The following LRP1B variants were observed in gnomAD, a reference collection of about 807,000 sequenced individuals.
LRP1B encodes LDL receptor related protein 1B.
LRP1B carries 217 observed loss-of-function variants against 556.6 expected under a neutral mutation model. The ratio of observed to expected loss-of-function variants is 0.39; its 90% CI spans 0.35 to 0.44. The LOEUF (loss-of-function observed/expected upper bound fraction) is 0.44. Among genes scored for constraint, LRP1B ranks in the 20% least tolerant of loss-of-function variants. LRP1B has a pLI of 1.00. For missense variants in LRP1B, 5,053 were observed against 5,620.8 expected (o/e 0.90, Z 3.23); for synonymous variants, 2,047 against 1,865.8 (o/e 1.10, Z -2.50).
intron 82 of LRP1B, among the ~76,000 whole-genome samples, chr2:140,315,841 TTGATGTTGGTCCTTA>T (rs1240720794): frequency 2.6e-5 from 4 of 152,278 alleles, no homozygotes; most frequent in South Asian, 2.1e-4. Context: ...GAGAGACTCT[TTGATGTTGGTCCTTA>T]TTAACCATAT....
rs1327909536 is a variant in LRP1B, at chr2:140,323,894, A to T, written c.12513T>A (p.Asp4171Glu). The change falls in exon 81 of 91, where the codon GAT (aspartate) becomes GAA (glutamate). Residue 4171 changes from aspartate to glutamate, a missense_variant and splice_region_variant. This residue lies in a region of LRP1B where 551 missense variants were observed against 592.0 expected (regional missense o/e 0.93). Transcript: ENST00000389484. ...AACTTCATAATATATTATACTTACA[A>T]TCTAGTTGTTTATAACGATGAGATA... ...VLISHRYKQL[D>E]LPNPCLDLAC... 1 of 1,416,444 alleles carries T rather than the reference A, an allele frequency of 7.1e-7. No homozygotes were observed. Among genetic ancestry groups the T allele is most frequent in the Non-Finnish European group, 1.0e-6 (1 of 1,003,958 alleles). The allele number at this position is 1,416,444 out of a possible 1,614,324, so 87.7% of individuals were successfully genotyped here.
chr2:140,838,615 G>A (rs762217249), intron 31 of LRP1B, among the ~76,000 whole-genome samples: 14 of 151,904 alleles, frequency 9.2e-5, no homozygotes, highest in Non-Finnish European at 1.3e-4. Context: ...AGAAAAAATC[G>A]ACAAGCTTCA....
chr2:141,091,093 A>C (rs901381409), intron 7 of LRP1B, among the ~76,000 whole-genome samples: 13 of 152,144 alleles, frequency 8.5e-5, no homozygotes, highest in Non-Finnish European at 1.9e-4. Context: ...TTTCTTCTCA[A>C]ATCAGGAATC....
At chr2:141,142,703 T>A (rs1574119222) in intron 7 of LRP1B, among the ~76,000 whole-genome samples, 1 of 152,134 alleles carries the variant, frequency 6.6e-6, no homozygotes, top group African/African-American at 2.4e-5. Context: ...AATCATAGCA[T>A]TTAGAAGTGA....
At chr2:141,541,876 T>C (rs570693743) in intron 2 of LRP1B, among the ~76,000 whole-genome samples, 1 of 152,214 alleles carries the variant, frequency 6.6e-6, no homozygotes, top group Non-Finnish European at 1.5e-5. Flanking sequence ...TGAGGAAAGC[T>C]AGAAATCTGT....
At chr2:141,014,270 A>T (rs1264560402) in intron 13 of LRP1B, among the ~76,000 whole-genome samples, 1 of 152,088 alleles carries the variant, frequency 6.6e-6, no homozygotes, top group Non-Finnish European at 1.5e-5. Context: ...GGCAGAAAAG[A>T]TGGTAAAGAT....
At chr2:141,793,890 C>T (rs1430680336) in intron 2 of LRP1B, among the ~76,000 whole-genome samples, 1 of 151,506 alleles carries the variant, frequency 6.6e-6, no homozygotes, top group East Asian at 1.9e-4. Context: ...TTACTTATTC[C>T]AATTAAGTCG....
At chr2:141,257,437 A>T (rs1374425968) in intron 3 of LRP1B, among the ~76,000 whole-genome samples, 1 of 152,146 alleles carries the variant, frequency 6.6e-6, no homozygotes, top group African/African-American at 2.4e-5. Flanking sequence ...AGAAAATCCA[A>T]ATACTATGGA....
intron 3 of LRP1B, among the ~76,000 whole-genome samples, chr2:141,393,833 T>G (rs553545653): frequency 7.9e-5 from 12 of 152,258 alleles, no homozygotes; most frequent in African/African-American, 2.4e-4. Flanking sequence ...AATAAAGATG[T>G]GCTTTATACG....
At chr2:141,589,579 A>G (rs1574112009) in intron 2 of LRP1B, among the ~76,000 whole-genome samples, 1 of 152,324 alleles carries the variant, frequency 6.6e-6, no homozygotes, top group East Asian at 1.9e-4. Context: ...GTAACCAAAT[A>G]ACACACTTGT....
At chr2:141,033,970 T>C (rs1698455150) in intron 11 of LRP1B, among the ~76,000 whole-genome samples, 1 of 152,206 alleles carries the variant, frequency 6.6e-6, no homozygotes, top group Non-Finnish European at 1.5e-5. Context: ...ATTCCATTCT[T>C]TGAGTATGCT....
intron 3 of LRP1B, among the ~76,000 whole-genome samples, chr2:141,365,014 CA>C (rs61392867): frequency 0.06 from 9,173 of 152,196 alleles, 378 homozygotes; most frequent in African/African-American, 0.11. Flanking sequence ...CAAACACTTG[CA>C]ATTCACTGAG....
chr2:140,431,819 C>T (rs1685957177), intron 66 of LRP1B, among the ~76,000 whole-genome samples: 1 of 152,148 alleles, frequency 6.6e-6, no homozygotes, highest in African/African-American at 2.4e-5. Context: ...ACAAAATCTT[C>T]CTTCAGCTTA....
In LRP1B at chr2:141,414,236, T is replaced by A. The variant is rs1209152746; in HGVS notation, c.343+66160A>T. Among the ~76,000 whole-genome samples, 21 of 67,420 alleles carry A rather than the reference T, an allele frequency of 3.1e-4. No homozygotes were observed. The Admixed American group carries it at 4.4e-3, about 14-fold the overall frequency. 44.2% of individuals were successfully genotyped at this position (67,420 alleles called of 152,430 possible). A position where few individuals can be genotyped will look rare whatever the true frequency, so the allele number is the denominator to read the frequency against. On this transcript the variant is annotated intron_variant, in intron 3 of 90. Transcript: ENST00000389484. ...TGGGCGACAAGAGTGAGACTCTATC[T>A]CAAAAAAAAAAAAAAAAGAAAAAGG...
At chr2:140,786,052 A>C (rs1424174614) in intron 32 of LRP1B, among the ~76,000 whole-genome samples, 1 of 152,172 alleles carries the variant, frequency 6.6e-6, no homozygotes, top group African/African-American at 2.4e-5. Context: ...ACACTGGAGT[A>C]ATCATTCTAA....
Position 140,434,640 on chromosome 2 carries a change from T to G in LRP1B, c.10414+7864A>C, listed in dbSNP as rs144837176. ...TCCACATGACCACTGAGCACATGAC[T>G]GGTGGCCTAATTATATGAAAAACCT... On this transcript the variant is annotated intron_variant, in intron 66 of 90. Transcript: ENST00000389484. Among the ~76,000 whole-genome samples, 696 of 152,270 alleles carry G rather than the reference T, an allele frequency of 4.6e-3. 10 individuals are homozygous for G. Among genetic ancestry groups the G allele is most frequent in the African/African-American group, 0.015 (637 of 41,556 alleles).
At chr2:141,986,271 TACC>T (rs1702184390) in intron 1 of LRP1B, among the ~76,000 whole-genome samples, 2 of 152,014 alleles carry the variant, frequency 1.3e-5, no homozygotes. Flanking sequence ...TGTTATATTT[TACC>T]ACAATAAAAA....
At chr2:142,008,738 G>C (rs551838822) in intron 1 of LRP1B, among the ~76,000 whole-genome samples, 50 of 151,900 alleles carry the variant, frequency 3.3e-4, no homozygotes, top group African/African-American at 1.2e-3. Context: ...CAGGAAATTG[G>C]ATATGTCCCC....
chr2:142,035,003 C>A (rs1703831428), intron 1 of LRP1B, among the ~76,000 whole-genome samples: 1 of 151,684 alleles, frequency 6.6e-6, no homozygotes, highest in Admixed American at 6.6e-5. Context: ...GAATAAAGAT[C>A]TTATTTCATT....
Sources: gnomAD v4.1 joint callset for allele counts (sites outside exome capture counted in the v4.1 genomes callset) on GRCh38, gnomAD v4.1.1 for gene constraint, gnomAD v4.1.1 regional missense constraint, MANE v1.5 for transcripts, NCBI Gene and HGNC (gene_info 2026-07-23, HGNC 2026-07-21) for gene names.